KCNIP4: variants seen among roughly 807,000 people sequenced by gnomAD.
KCNIP4 encodes the protein potassium voltage-gated channel interacting protein 4.
In KCNIP4, 12 loss-of-function variants were observed where a neutral mutation model predicts 34.0. The ratio of observed to expected loss-of-function variants is 0.35; its 90% CI spans 0.23 to 0.57. KCNIP4 has a LOEUF of 0.57. KCNIP4 is among the 20% of genes least tolerant of loss of function. The probability of loss-of-function intolerance (pLI) is 0.83; values close to 1 mark genes in which losing one functional copy is unlikely to be tolerated. For missense variants in KCNIP4, 238 were observed against 311.7 expected, an observed-to-expected ratio of 0.76 and a Z score of 1.78; for synonymous variants, 124 against 102.2, an observed-to-expected ratio of 1.21 and a Z score of -1.29.
At chr4:21,132,407 C>T (rs1751136651) in intron 1 of KCNIP4, among the ~76,000 whole-genome samples, 1 of 152,170 alleles carries the variant, frequency 6.6e-6, no homozygotes, top group South Asian at 2.1e-4. Flanking sequence ...GCCATTTATC[C>T]TCTTGGATAC....
intron 1 of KCNIP4, among the ~76,000 whole-genome samples, chr4:21,823,363 A>G (rs1722483110): frequency 6.6e-6 from 1 of 151,888 alleles, no homozygotes; most frequent in Non-Finnish European, 1.5e-5. Context: ...AGAGTTTCAA[A>G]TTAAGTGTAT....
At chr4:21,004,102 T>C (rs1377506336) in intron 1 of KCNIP4, among the ~76,000 whole-genome samples, 1 of 152,180 alleles carries the variant, frequency 6.6e-6, no homozygotes, top group Non-Finnish European at 1.5e-5. Context: ...TTTAGCTTGC[T>C]TTGGCTATAG....
intron 1 of KCNIP4, among the ~76,000 whole-genome samples, chr4:21,084,098 G>C (rs144412508): frequency 1.3e-5 from 2 of 151,924 alleles, no homozygotes; most frequent in Non-Finnish European, 2.9e-5. Flanking sequence ...AGCAGGACTG[G>C]AACATTTCAG....
At chr4:21,620,071 C>T (rs1024337036) in intron 1 of KCNIP4, among the ~76,000 whole-genome samples, 1 of 152,120 alleles carries the variant, frequency 6.6e-6, no homozygotes, top group Non-Finnish European at 1.5e-5. Flanking sequence ...ATTTTAGGCC[C>T]AAGGGGCAGC....
chr4:21,195,568 T>C (rs1010596802), intron 1 of KCNIP4, among the ~76,000 whole-genome samples: 1 of 152,230 alleles, frequency 6.6e-6, no homozygotes, highest in Non-Finnish European at 1.5e-5. Flanking sequence ...CAAAAGGCTC[T>C]TATTGATTGG....
At position 20,824,206 on chromosome 4, in the gene KCNIP4, CTG is replaced by C. The variant is rs557042865; in HGVS notation, c.288+26335_288+26336del. On this transcript the variant is annotated intron_variant, in intron 3 of 8. Transcript: ENST00000382152. Reference sequence around the variant, plus strand: ...AGCATTATGCCAGAGGCATTTGTGTCTGTGTGTGTGTATGTGTGTATACAATC... The same window carrying C: ...AGCATTATGCCAGAGGCATTTGTGTCTGTGTGTGTATGTGTGTATACAATC... Among the ~76,000 whole-genome samples, 3 of 152,008 alleles carry C rather than the reference CTG, an allele frequency of 2.0e-5. No individual in the cohort carries two copies. The East Asian group carries it at 5.8e-4, about 29-fold the overall frequency.
chr4:21,535,068 C>T (rs373212266), intron 1 of KCNIP4, among the ~76,000 whole-genome samples: 17 of 152,036 alleles, frequency 1.1e-4, no homozygotes, highest in East Asian at 5.8e-4. Flanking sequence ...CTCCATTCTG[C>T]GCAAACTTAT....
intron 1 of KCNIP4, among the ~76,000 whole-genome samples, chr4:21,943,769 T>C (rs1490793213): frequency 3.9e-5 from 6 of 152,054 alleles, no homozygotes; most frequent in Non-Finnish European, 7.4e-5. Flanking sequence ...TAGTTGGTTT[T>C]GAGTGGGGAG....
intron 1 of KCNIP4, among the ~76,000 whole-genome samples, chr4:20,946,022 C>T (rs1732157145): frequency 6.6e-6 from 1 of 152,032 alleles, no homozygotes; most frequent in South Asian, 2.1e-4. Context: ...TTGATAGTAT[C>T]CACTCATTAA....
chr4:20,759,751 T>C (rs899108452), intron 3 of KCNIP4, among the ~76,000 whole-genome samples: 5 of 152,180 alleles, frequency 3.3e-5, no homozygotes, highest in Non-Finnish European at 7.3e-5. Flanking sequence ...AATTCCTCCA[T>C]TTTTTGGAGT....
chr4:21,823,050 A>G (rs1722458983), intron 1 of KCNIP4, among the ~76,000 whole-genome samples: 1 of 152,234 alleles, frequency 6.6e-6, no homozygotes, highest in African/African-American at 2.4e-5. Context: ...AAAGAGCTAA[A>G]CTTAAATATA....
chr4:21,288,283 C>A (rs115926123), intron 1 of KCNIP4, among the ~76,000 whole-genome samples: 53 of 152,214 alleles, frequency 3.5e-4, no homozygotes, highest in African/African-American at 1.2e-3. Flanking sequence ...TTATAACTTG[C>A]CTATTTTTCT....
At chr4:21,182,006 T>C (rs149306996) in intron 1 of KCNIP4, among the ~76,000 whole-genome samples, 52 of 152,272 alleles carry the variant, frequency 3.4e-4, no homozygotes, top group Admixed American at 6.5e-4. Context: ...ATGCCTCTAC[T>C]ATAGCCCTTA....
At chr4:21,828,009 G>A (rs1470122974) in intron 1 of KCNIP4, among the ~76,000 whole-genome samples, 1 of 121,788 alleles carries the variant, frequency 8.2e-6, no homozygotes, top group African/African-American at 3.3e-5. Context: ...CCATTAATGA[G>A]AGTCATGTAA....
intron 1 of KCNIP4, among the ~76,000 whole-genome samples, chr4:21,363,875 A>C (rs1266385102): frequency 6.6e-6 from 1 of 152,134 alleles, no homozygotes; most frequent in Non-Finnish European, 1.5e-5. Flanking sequence ...CCCAAATGCT[A>C]ATAACATGAA....
chr4:21,884,291 A>G (rs1017908454), intron 1 of KCNIP4, among the ~76,000 whole-genome samples: 10 of 152,140 alleles, frequency 6.6e-5, no homozygotes, highest in African/African-American at 2.2e-4. Flanking sequence ...GGAATAGCGC[A>G]TGGAGAAAGG....
At chr4:21,101,001 AT>A (rs1307033308) in intron 1 of KCNIP4, among the ~76,000 whole-genome samples, 3 of 152,162 alleles carry the variant, frequency 2.0e-5, no homozygotes, top group African/African-American at 7.2e-5. Context: ...GGGGTACAAG[AT>A]TTCTTACATG....
chr4:21,457,719 A>G (rs1729083737), intron 1 of KCNIP4, among the ~76,000 whole-genome samples: 1 of 152,078 alleles, frequency 6.6e-6, no homozygotes, highest in Non-Finnish European at 1.5e-5. Context: ...GAGCTGGCGT[A>G]TGGCAGTCCC....
intron 1 of KCNIP4, among the ~76,000 whole-genome samples, chr4:21,356,824 T>C (rs1025045102): frequency 3.9e-5 from 6 of 152,156 alleles, no homozygotes; most frequent in African/African-American, 1.2e-4. Flanking sequence ...TACTTTAAAG[T>C]TCACAGGGAA....
Sources: gnomAD v4.1 joint callset for allele counts (sites outside exome capture counted in the v4.1 genomes callset) on GRCh38, gnomAD v4.1.1 for gene constraint, MANE v1.5 for transcripts, NCBI Gene and HGNC (gene_info 2026-07-23, HGNC 2026-07-21) for gene names.